HLCS: variants seen among roughly 807,000 people sequenced by gnomAD.
The protein encoded by HLCS is holocarboxylase synthetase, also known as biotin--protein ligase.
In HLCS, 53 loss-of-function variants were observed where a neutral mutation model predicts 75.0. The observed-to-expected ratio is 0.71, with a 90% confidence interval of 0.57 to 0.89. HLCS has a LOEUF of 0.89. Among genes scored for constraint, HLCS ranks in the 40% least tolerant of loss-of-function variants. HLCS has a pLI of 0.00. For synonymous variants in HLCS, 431 were observed against 428.6 expected (o/e 1.01, Z -0.07); for missense variants, 966 against 1,074.0 (o/e 0.90, Z 1.41).
At chr21:36,899,561 T>C (rs1442076036) in intron 5 of HLCS, among the ~76,000 whole-genome samples, 2 of 151,798 alleles carry the variant, frequency 1.3e-5, no homozygotes, top group African/African-American at 4.8e-5. Flanking sequence ...GTGGCGGAGG[T>C]TGCAGTGAGC....
intron 6 of HLCS, among the ~76,000 whole-genome samples, chr21:36,827,315 T>A (rs900560748): frequency 1.3e-5 from 2 of 152,022 alleles, no homozygotes; most frequent in Admixed American, 6.5e-5. Flanking sequence ...ACACTTGTAA[T>A]CCCAGCACTT....
chr21:36,928,431 A>T (rs2066498245), intron 5 of HLCS, among the ~76,000 whole-genome samples: 1 of 152,170 alleles, frequency 6.6e-6, no homozygotes, highest in South Asian at 2.1e-4. Flanking sequence ...TTAGCCAGGC[A>T]TGGTGATGCA....
chr21:36,777,683 C>A (rs1360858678), intron 6 of HLCS, among the ~76,000 whole-genome samples: 1 of 152,180 alleles, frequency 6.6e-6, no homozygotes, highest in African/African-American at 2.4e-5. Context: ...TTTAGATAAT[C>A]AGATACCCCC....
intron 2 of HLCS, chr21:36,947,234 C>T (rs758068764): frequency 2.0e-6 from 1 of 495,806 alleles, no homozygotes; most frequent in Non-Finnish European, 2.6e-6. Context: ...AGGAATGAGG[C>T]AGGAGATAAA....
At chr21:36,851,995 G>GGA (rs2063024143) in intron 6 of HLCS, 1 of 152,244 alleles carries the variant, frequency 6.6e-6, no homozygotes, top group Non-Finnish European at 1.5e-5. Context: ...TACTTGCATG[G>GGA]GAGACCATGT....
intron 6 of HLCS, among the ~76,000 whole-genome samples, chr21:36,793,174 A>G (rs1047878780): frequency 6.6e-6 from 1 of 152,112 alleles, no homozygotes; most frequent in African/African-American, 2.4e-5. Context: ...TCACTTCTGC[A>G]CATTGCCTTA....
chr21:36,763,531 C>T (rs763325000), intron 8 of HLCS, among the ~76,000 whole-genome samples: 1 of 152,198 alleles, frequency 6.6e-6, no homozygotes, highest in Non-Finnish European at 1.5e-5. Flanking sequence ...AATTCATACA[C>T]AGCAAATACA....
intron 6 of HLCS, among the ~76,000 whole-genome samples, chr21:36,834,524 C>T (rs995790624): frequency 6.6e-6 from 1 of 152,190 alleles, no homozygotes; most frequent in African/African-American, 2.4e-5. Flanking sequence ...AGTGGTCCCA[C>T]AGATTGAGGC....
At chr21:36,768,729 T>G (rs1015451360) in intron 6 of HLCS, among the ~76,000 whole-genome samples, 2 of 152,232 alleles carry the variant, frequency 1.3e-5, no homozygotes, top group African/African-American at 4.8e-5. Context: ...GAAATACAGC[T>G]CAGAAGTATT....
At chr21:36,837,243 T>G (rs1003074707) in intron 6 of HLCS, among the ~76,000 whole-genome samples, 4 of 152,234 alleles carry the variant, frequency 2.6e-5, no homozygotes, top group Non-Finnish European at 5.9e-5. Context: ...TATTGGGACC[T>G]GACCTGCTTA....
intron 8 of HLCS, among the ~76,000 whole-genome samples, chr21:36,764,519 C>T (rs1414763886): frequency 6.6e-6 from 1 of 152,088 alleles, no homozygotes; most frequent in Non-Finnish European, 1.5e-5. Context: ...GCCTGGGCCA[C>T]ATGGTGAAAC....
chr21:36,869,314 C>T (rs968049571), intron 6 of HLCS, among the ~76,000 whole-genome samples: 4 of 151,848 alleles, frequency 2.6e-5, no homozygotes, highest in Non-Finnish European at 5.9e-5. Context: ...TTGTATTTTT[C>T]GTAGAGACAG....
At chr21:36,824,991 T>C (rs2061962026) in intron 6 of HLCS, among the ~76,000 whole-genome samples, 1 of 152,196 alleles carries the variant, frequency 6.6e-6, no homozygotes, top group Non-Finnish European at 1.5e-5. Context: ...AAACTTCTTT[T>C]TGAAAGAAAG....
chr21:36,979,285 A>AAAAG (rs1214968834), intron 1 of HLCS, among the ~76,000 whole-genome samples: 3 of 125,078 alleles, frequency 2.4e-5, no homozygotes, highest in South Asian at 5.1e-4. Flanking sequence ...AAAAAAAAAA[A>AAAAG]AAAGAAAGAA....
Position 36,936,673 on chromosome 21 carries a change from T to A in HLCS, c.1213A>T (p.Thr405Ser). 6.2e-7 allele frequency: 1 copy of A among 1,614,170 alleles called. No individual in the cohort carries two copies. The highest frequency in any genetic ancestry group is 8.5e-7 in the Non-Finnish European group (1 of 1,180,022). ...GTCTTGTGCAGTGCACCCTTGCTTGTCACCTGAAAGCCACCAAAGGTGAAG... is the reference window on the plus strand; with the variant it reads ...GTCTTGTGCAGTGCACCCTTGCTTGACACCTGAAAGCCACCAAAGGTGAAG... Reference protein sequence around the residue: ...SSFTFGGFQVTSKGALHKTVQ... With the variant: ...SSFTFGGFQVSSKGALHKTVQ... Residue 405 changes from threonine (T) to serine (S), a missense_variant, in exon 4 of 11, where the codon ACA (threonine) becomes TCA (serine). Coordinates refer to ENST00000674895, the MANE Select transcript of HLCS (RefSeq NM_001352514.2).
At chr21:36,958,978 G>A (rs756088838) in intron 2 of HLCS, among the ~76,000 whole-genome samples, 24 of 152,178 alleles carry the variant, frequency 1.6e-4, no homozygotes, top group Non-Finnish European at 2.8e-4. Context: ...GGGTAGGCGC[G>A]GCCAGGGATA....
In HLCS at chr21:36,936,441, C is replaced by T. The variant is rs777565665; in HGVS notation, c.1437+8G>A. The T allele has an allele frequency of 7.5e-6, 12 of 1,608,998 alleles. No homozygotes were observed. Among genetic ancestry groups the T allele is most frequent in the Non-Finnish European group, 1.0e-5 (12 of 1,175,308 alleles). ...CAAAGATCACCAAATCCATGCTGCC[C>T]TGAGTACCTGGCAAAGAACAGCTTC... On this transcript the variant is annotated splice_region_variant and intron_variant, in intron 4 of 10. Transcript: ENST00000674895.
chr21:36,763,564 G>GT (rs2089927186), intron 8 of HLCS, among the ~76,000 whole-genome samples: 1 of 152,202 alleles, frequency 6.6e-6, no homozygotes, highest in South Asian at 2.1e-4. Context: ...TTAAGGGGCA[G>GT]TGAGAAGGAC....
At chr21:36,931,762 G>A (rs1367372978) in intron 4 of HLCS, among the ~76,000 whole-genome samples, 9 of 144,534 alleles carry the variant, frequency 6.2e-5, no homozygotes, top group Non-Finnish European at 7.7e-5. Context: ...AAAAAAAAAA[G>A]AGAGAGAGAG....
Sources: allele counts gnomAD v4.1 joint callset (sites outside exome capture counted in the v4.1 genomes callset), GRCh38; gene constraint gnomAD v4.1.1; transcripts MANE v1.5; gene names NCBI Gene and HGNC (gene_info 2026-07-23, HGNC 2026-07-21).